TBCK: variants seen among roughly 807,000 people sequenced by gnomAD.
TBCK encodes TBC domain-containing protein kinase-like protein.
In TBCK, 99 loss-of-function variants were observed where a neutral mutation model predicts 113.4. The ratio of observed to expected loss-of-function variants is 0.87; its 90% CI spans 0.74 to 1.03. The LOEUF (loss-of-function observed/expected upper bound fraction) is 1.03. TBCK is among the 50% of genes least tolerant of loss of function. The pLI is 0.00. For missense variants in TBCK, 1,045 were observed against 1,061.3 expected (o/e 0.98, Z 0.21); for synonymous variants, 369 against 370.8 (o/e 1.00, Z 0.05).
At chr4:106,248,541 G>A (rs945411566) in intron 8 of TBCK, among the ~76,000 whole-genome samples, 37 of 152,080 alleles carry the variant, frequency 2.4e-4, no homozygotes, top group African/African-American at 8.9e-4. Context: ...AGATTGCTAT[G>A]GTTTGAATGT....
intron 3 of TBCK, among the ~76,000 whole-genome samples, chr4:106,265,494 T>C (rs554588966): frequency 6.6e-5 from 10 of 151,688 alleles, no homozygotes; most frequent in African/African-American, 2.4e-4. Context: ...ATCTATTATA[T>C]AACTTAATTC....
rs570222931 is a variant in TBCK at position 106,277,531 on chromosome 4, T to C, written c.267-15319A>G. Reference sequence around the variant, plus strand: ...ACAAAAACAAATGAACTATGATACATGAAACCACATGGATGACCCTCAGAA... The same window carrying C: ...ACAAAAACAAATGAACTATGATACACGAAACCACATGGATGACCCTCAGAA... On this transcript the variant is annotated intron_variant, in intron 3 of 25. Transcript: ENST00000394708. 8.3e-4 allele frequency among the ~76,000 whole-genome samples: 127 copies of C among 152,204 alleles called. 3 individuals carry two copies. The highest frequency in any genetic ancestry group is 8.1e-3 in the South Asian group (39 of 4,828).
intron 3 of TBCK, among the ~76,000 whole-genome samples, chr4:106,269,710 T>C (rs376429321): frequency 9.9e-5 from 15 of 152,280 alleles, no homozygotes; most frequent in African/African-American, 3.1e-4. Flanking sequence ...AGACTAGGCA[T>C]ATTTTACAAT....
chr4:106,198,429 C>T (rs1754503051), intron 20 of TBCK, among the ~76,000 whole-genome samples: 1 of 152,080 alleles, frequency 6.6e-6, no homozygotes, highest in African/African-American at 2.4e-5. Flanking sequence ...CCTGAGAAGG[C>T]AGATTTACTA....
At chr4:106,064,521 A>G (rs1736408057) in intron 25 of TBCK, among the ~76,000 whole-genome samples, 1 of 151,858 alleles carries the variant, frequency 6.6e-6, no homozygotes, top group South Asian at 2.1e-4. Context: ...TAACAATTTA[A>G]GGGTAAGATG....
At position 106,143,744 on chromosome 4, in the gene TBCK, G is replaced by A. The variant is rs574780585; in HGVS notation, c.2235+27351C>T. 2.6e-5 allele frequency among the ~76,000 whole-genome samples: 4 copies of A among 152,022 alleles called. No individual in the cohort carries two copies. In the East Asian group the frequency reaches 5.8e-4, roughly 22 times the overall value. ...AGCTTGACCAACATGGTGAAAGCTC[G>A]TCTCTACTAAAAATACAAAATTAGC... On this transcript the variant is annotated intron_variant, in intron 23 of 25. Coordinates refer to ENST00000394708, the MANE Select transcript of TBCK (RefSeq NM_001163435.3).
chr4:106,184,570 G>A (rs775760413), intron 22 of TBCK, among the ~76,000 whole-genome samples: 27 of 151,992 alleles, frequency 1.8e-4, no homozygotes, highest in African/African-American at 3.1e-4. Context: ...AAGACTAGTC[G>A]TATACATATA....
At chr4:106,164,696 C>T (rs1477223172) in intron 23 of TBCK, among the ~76,000 whole-genome samples, 2 of 151,684 alleles carry the variant, frequency 1.3e-5, no homozygotes, top group Non-Finnish European at 3.0e-5. Context: ...AATAATGTAT[C>T]TGGGTACCTG....
At chr4:106,307,557 T>G (rs1038731834) in intron 2 of TBCK, among the ~76,000 whole-genome samples, 5 of 152,266 alleles carry the variant, frequency 3.3e-5, no homozygotes, top group Admixed American at 3.3e-4. Context: ...AAGAAAACAT[T>G]GTTTGCATTT....
At chr4:106,180,541 C>A (rs1035515147) in intron 22 of TBCK, among the ~76,000 whole-genome samples, 1 of 151,994 alleles carries the variant, frequency 6.6e-6, no homozygotes, top group Non-Finnish European at 1.5e-5. Context: ...CCCTAGCCCC[C>A]ACCCCGCACA....
At position 106,233,620 on chromosome 4, in the gene TBCK, C is replaced by A. The variant is rs374100516; in HGVS notation, c.1480G>T (p.Asp494Tyr). The change falls in exon 16 of 26, where the codon GAT (aspartate) becomes TAT (tyrosine). Residue 494 changes from aspartate (D) to tyrosine (Y), a missense_variant. By Grantham distance (160) the Asp-to-Tyr change is radical. Transcript: ENST00000394708. ...TCTGTAGGAATTGGAGTGTCTTTAT[C>A]AATTGCATCGTACTTGGCATGAATA... ...GAIHAKYDAI[D>Y]KDTPIPTDRQ... The A allele has an allele frequency of 1.8e-4, 282 of 1,611,042 alleles. No individual in the cohort carries two copies. The highest frequency in any genetic ancestry group is 2.3e-4 in the Non-Finnish European group (272 of 1,178,416).
At chr4:106,157,329 T>C (rs1244924169) in intron 23 of TBCK, among the ~76,000 whole-genome samples, 3 of 152,158 alleles carry the variant, frequency 2.0e-5, no homozygotes, top group African/African-American at 4.8e-5. Flanking sequence ...GTGGTGCAAG[T>C]ACTCTCTTAG....
intron 2 of TBCK, among the ~76,000 whole-genome samples, chr4:106,307,955 T>C (rs938508885): frequency 6.6e-6 from 1 of 151,880 alleles, no homozygotes; most frequent in African/African-American, 2.4e-5. Context: ...AAAAGACTAA[T>C]GGAGTTTAAA....
At chr4:106,180,706 A>G (rs1418051547) in intron 22 of TBCK, among the ~76,000 whole-genome samples, 4 of 152,148 alleles carry the variant, frequency 2.6e-5, no homozygotes, top group Non-Finnish European at 4.4e-5. Context: ...TGCAAAGGAC[A>G]TGAACTCATC....
chr4:106,048,604 C>G (rs1476898743), intron 25 of TBCK, among the ~76,000 whole-genome samples: 3 of 152,156 alleles, frequency 2.0e-5, no homozygotes, highest in Non-Finnish European at 4.4e-5. Flanking sequence ...ATTGAAACAT[C>G]TTGGCTGCAT....
At chr4:106,234,844 T>C (rs1218690352) in intron 15 of TBCK, among the ~76,000 whole-genome samples, 2 of 152,070 alleles carry the variant, frequency 1.3e-5, no homozygotes, top group Non-Finnish European at 2.9e-5. Context: ...GGAATAGGTG[T>C]GCCAAAAGTC....
intron 3 of TBCK, among the ~76,000 whole-genome samples, chr4:106,279,094 C>T (rs2125777035): frequency 6.6e-6 from 1 of 152,182 alleles, no homozygotes; most frequent in South Asian, 2.1e-4. Flanking sequence ...CTTTTCTATA[C>T]CTTTTATGGA....
chr4:106,203,755 T>C (rs1020681681), intron 20 of TBCK, among the ~76,000 whole-genome samples: 2 of 152,114 alleles, frequency 1.3e-5, no homozygotes, highest in African/African-American at 4.8e-5. Context: ...ATTTCATTGA[T>C]TACTACAAAA....
At position 106,089,733 on chromosome 4, in the gene TBCK, C is replaced by T. The variant is rs1739985302; in HGVS notation, c.2571+5749G>A. ...GCAATACGCCCACACAAGTCTGAAACTCAGCAGGACACTCATTAAATCTTA... is the reference window on the plus strand; with the variant it reads ...GCAATACGCCCACACAAGTCTGAAATTCAGCAGGACACTCATTAAATCTTA... On this transcript the variant is annotated intron_variant, in intron 25 of 25. Coordinates refer to ENST00000394708, the MANE Select transcript of TBCK (RefSeq NM_001163435.3). 2.6e-5 allele frequency among the ~76,000 whole-genome samples: 4 copies of T among 152,190 alleles called. No individual in the cohort carries two copies. The South Asian group carries it at 8.3e-4, about 32-fold the overall frequency.
Sources: gnomAD v4.1 joint callset for allele counts (sites outside exome capture counted in the v4.1 genomes callset) on GRCh38, gnomAD v4.1.1 for gene constraint, MANE v1.5 for transcripts, NCBI Gene and HGNC (gene_info 2026-07-23, HGNC 2026-07-21) for gene names.